Variants in TMEM144 observed in about 807,000 individuals in gnomAD.
TMEM144 encodes the protein transmembrane protein 144.
A neutral mutation model predicts 43.6 loss-of-function variants in TMEM144; 39 were observed. That is an observed-to-expected ratio of 0.90 (90% CI 0.69 to 1.17). TMEM144 has a LOEUF of 1.17. TMEM144 is among the 50% of genes most tolerant of loss of function. The pLI is 0.00. For synonymous variants in TMEM144, 154 were observed against 133.6 expected (o/e 1.15, Z -1.06); for missense variants, 417 against 411.9 (o/e 1.01, Z -0.11).
At chr4:158,242,348 C>A (rs1418261559) in intron 11 of TMEM144, among the ~76,000 whole-genome samples, 2 of 151,620 alleles carry the variant, frequency 1.3e-5, no homozygotes, top group African/African-American at 4.9e-5. Flanking sequence ...TCACTTTATC[C>A]AAGGACAACC....
At chr4:158,249,634 A>G (rs1736079267) in intron 12 of TMEM144, among the ~76,000 whole-genome samples, 1 of 152,228 alleles carries the variant, frequency 6.6e-6, no homozygotes, top group African/African-American at 2.4e-5. Flanking sequence ...CATAGGTAAT[A>G]AAATAGCGCT....
chr4:158,220,419 G>A (rs1202369732), intron 6 of TMEM144, among the ~76,000 whole-genome samples: 1 of 152,130 alleles, frequency 6.6e-6, no homozygotes, highest in Non-Finnish European at 1.5e-5. Flanking sequence ...TTGACTTAAT[G>A]ACAATTGAAG....
chr4:158,240,492 C>T (rs1374661244), intron 10 of TMEM144, 74 bp downstream of exon 10: 10 of 1,482,714 alleles, frequency 6.7e-6, no homozygotes, highest in African/African-American at 4.2e-5. Flanking sequence ...GAATAAGTTT[C>T]TTCTGGAAAC....
chr4:158,210,822 C>T (rs1203364718), intron 1 of TMEM144: 2 of 151,866 alleles, frequency 1.3e-5, no homozygotes, highest in African/African-American at 2.4e-5. Flanking sequence ...TCAGAACATA[C>T]CAAATACGAA....
intron 6 of TMEM144, among the ~76,000 whole-genome samples, chr4:158,223,186 C>T (rs1484036659): frequency 6.6e-6 from 1 of 152,208 alleles, no homozygotes; most frequent in Non-Finnish European, 1.5e-5. Flanking sequence ...AGCACCCCGT[C>T]ACCTATCCAT....
At chr4:158,216,337 G>A (rs992363888) in intron 4 of TMEM144, among the ~76,000 whole-genome samples, 1 of 152,202 alleles carries the variant, frequency 6.6e-6, no homozygotes. Context: ...AGCAGAATGG[G>A]AGGAGCCAAT....
intron 5 of TMEM144, among the ~76,000 whole-genome samples, chr4:158,218,906 C>A (rs543514874): frequency 6.6e-6 from 1 of 151,990 alleles, no homozygotes; most frequent in Admixed American, 6.6e-5. Context: ...GTGGGTGGAT[C>A]GCTTGATTTC....
intron 2 of TMEM144, 121 bp downstream of exon 2, chr4:158,211,695 T>C (rs970178282): frequency 6.6e-6 from 1 of 152,224 alleles, no homozygotes; most frequent in South Asian, 2.1e-4. Context: ...CTCAACCACA[T>C]CCCTATAGAG....
At chr4:158,231,973 G>GCTAC (rs1328719213) in intron 6 of TMEM144, among the ~76,000 whole-genome samples, 1 of 152,156 alleles carries the variant, frequency 6.6e-6, no homozygotes. Flanking sequence ...TCTGTACCTA[G>GCTAC]CTACCTACCC....
At position 158,254,147 on chromosome 4, in the gene TMEM144, A is replaced by G. The variant is rs1209242872; in HGVS notation, c.*620A>G. ...TCATAATGCTTTTGATTATCGCCAG[A>G]TAAAGTCCATTCTCAGAGAACAAAA... is the stretch of plus-strand genomic sequence containing the variant. On this transcript the variant is annotated 3_prime_UTR_variant, in exon 13 of 13. Coordinates refer to ENST00000296529, the MANE Select transcript of TMEM144 (RefSeq NM_018342.5). 6.6e-6 allele frequency: 1 copy of G among 152,280 alleles called. No individual in the cohort carries two copies. Among genetic ancestry groups the G allele is most frequent in the Non-Finnish European group, 1.5e-5 (1 of 68,086 alleles). 9.4% of individuals were successfully genotyped at this position (152,280 alleles called of 1,614,324 possible).
chr4:158,223,831 G>A (rs2111114259), intron 6 of TMEM144, among the ~76,000 whole-genome samples: 1 of 152,262 alleles, frequency 6.6e-6, no homozygotes, highest in Non-Finnish European at 1.5e-5. Flanking sequence ...ATTTGGGTTG[G>A]TTTCATGACT....
intron 6 of TMEM144, among the ~76,000 whole-genome samples, chr4:158,223,504 C>A (rs928112803): frequency 6.6e-6 from 1 of 152,118 alleles, no homozygotes; most frequent in African/African-American, 2.4e-5. Flanking sequence ...TACATAGGTA[C>A]ATGTGTACCA....
intron 12 of TMEM144, among the ~76,000 whole-genome samples, chr4:158,249,661 T>C (rs115829282): frequency 0.016 from 2,406 of 152,336 alleles, 66 homozygotes; most frequent in African/African-American, 0.053. Context: ...TGTATTCACG[T>C]AATTAGATTG....
chr4:158,236,005 C>T (rs1241698297), intron 8 of TMEM144, among the ~76,000 whole-genome samples: 2 of 152,190 alleles, frequency 1.3e-5, no homozygotes, highest in African/African-American at 2.4e-5. Context: ...TCCATAAGAA[C>T]TCAGGGAGTT....
chr4:158,235,776 T>C, intron 8 of TMEM144: 1 of 308,326 alleles, frequency 3.2e-6, no homozygotes, highest in Middle Eastern at 9.7e-4. Flanking sequence ...TTGCATGACT[T>C]GTGTAGCTAA....
At chr4:158,250,152 T>C (rs181420709) in intron 12 of TMEM144, among the ~76,000 whole-genome samples, 313 of 149,122 alleles carry the variant, frequency 2.1e-3, no homozygotes, top group African/African-American at 7.2e-3. Context: ...ATATATAATT[T>C]AGTTAGTAAC....
intron 6 of TMEM144, among the ~76,000 whole-genome samples, chr4:158,224,045 C>T (rs552081614): frequency 6.6e-6 from 1 of 152,168 alleles, no homozygotes; most frequent in Non-Finnish European, 1.5e-5. Flanking sequence ...AAAAGCATTC[C>T]TATTTCTCCA....
intron 7 of TMEM144, chr4:158,233,692 A>T (rs1250149711): frequency 6.6e-6 from 1 of 152,136 alleles, no homozygotes; most frequent in African/African-American, 2.4e-5. Context: ...AGCGCTCCTC[A>T]CCCCCAGTGG....
chr4:158,234,288 T>C (rs1735225918), intron 7 of TMEM144: 1 of 151,718 alleles, frequency 6.6e-6, no homozygotes, highest in South Asian at 2.1e-4. Flanking sequence ...CCCAGCACTG[T>C]GGGAGGTCAA....
Sources: allele counts gnomAD v4.1 joint callset (sites outside exome capture counted in the v4.1 genomes callset), GRCh38; gene constraint gnomAD v4.1.1; transcripts MANE v1.5; gene names NCBI Gene and HGNC (gene_info 2026-07-23, HGNC 2026-07-21).